MICAL2: variants seen among roughly 807,000 people sequenced by gnomAD.
MICAL2 encodes [F-actin]-monooxygenase MICAL2.
MICAL2 carries 77 observed loss-of-function variants against 127.3 expected under a neutral mutation model. The observed-to-expected ratio is 0.60, with a 90% confidence interval of 0.50 to 0.73. The LOEUF is 0.73. MICAL2 is among the 30% of genes least tolerant of loss of function. The probability of loss-of-function intolerance (pLI) is 0.00; values close to 1 mark genes in which losing one functional copy is unlikely to be tolerated. For missense variants in MICAL2, 1,351 were observed against 1,434.4 expected (o/e 0.94, Z 0.94); for synonymous variants, 570 against 551.1 (o/e 1.03, Z -0.48).
rs1235003301 is a variant in MICAL2, at chr11:12,162,350, G to A, written c.195G>A (p.Leu65=). The change falls in exon 3 of 28, where the codon CTG becomes CTA. Residue 65 remains leucine, a synonymous_variant. Transcript: ENST00000683283. Reference sequence around the variant, plus strand: ...TGACCACCTGGAAAGCCAAAGCCCTGTGGTACAAATTGGATAAGCGTGGTT... The same window carrying A: ...TGACCACCTGGAAAGCCAAAGCCCTATGGTACAAATTGGATAAGCGTGGTT... ...SKVTTWKAKA[L]WYKLDKRGSH... The A allele has an allele frequency of 3.1e-6, 5 of 1,614,290 alleles. No individual in the cohort carries two copies. The African/African-American group carries it at 5.3e-5, about 17-fold the overall frequency.
At chr11:12,125,519 G>T (rs932124154) in intron 1 of MICAL2, among the ~76,000 whole-genome samples, 18 of 152,124 alleles carry the variant, frequency 1.2e-4, no homozygotes, top group Admixed American at 5.9e-4. Flanking sequence ...CTCTCAAATT[G>T]CTGGGATTAC....
At chr11:12,221,182 T>C (rs1856776299) in intron 9 of MICAL2, among the ~76,000 whole-genome samples, 1 of 152,018 alleles carries the variant, frequency 6.6e-6, no homozygotes, top group African/African-American at 2.4e-5. Flanking sequence ...CCCAGCTCGG[T>C]TTCTCCCTCC....
intron 32 of MICAL2, among the ~76,000 whole-genome samples, chr11:12,336,848 A>G (rs536171291): frequency 4.5e-4 from 68 of 152,090 alleles, no homozygotes; most frequent in African/African-American, 1.5e-3. Flanking sequence ...TGCTGGATTC[A>G]GTTTGCCAGT....
At chr11:12,259,102 C>T (rs1862742548) in intron 25 of MICAL2, among the ~76,000 whole-genome samples, 1 of 152,204 alleles carries the variant, frequency 6.6e-6, no homozygotes, top group South Asian at 2.1e-4. Flanking sequence ...TAACTTAAAA[C>T]TTTTTTCTAA....
At chr11:12,225,961 T>A (rs1443997434) in intron 13 of MICAL2, among the ~76,000 whole-genome samples, 1 of 152,218 alleles carries the variant, frequency 6.6e-6, no homozygotes, top group Non-Finnish European at 1.5e-5. Context: ...AATAACGTCA[T>A]CATGGCCCAG....
intron 18 of MICAL2, 140 bp downstream of exon 18, chr11:12,241,302 T>C (rs769252038): frequency 9.2e-7 from 1 of 1,087,046 alleles, no homozygotes; most frequent in Non-Finnish European, 1.3e-6. Flanking sequence ...TCACCACACT[T>C]ATAGGTAAGA....
At chr11:12,183,633 G>T (rs1279125567) in intron 3 of MICAL2, among the ~76,000 whole-genome samples, 2 of 152,210 alleles carry the variant, frequency 1.3e-5, no homozygotes, top group African/African-American at 4.8e-5. Flanking sequence ...GGAGAAGTAG[G>T]TGTGCTGTGG....
intron 29 of MICAL2, among the ~76,000 whole-genome samples, chr11:12,310,912 G>GT (rs202068717): frequency 0.017 from 2,545 of 151,302 alleles, 78 homozygotes; most frequent in African/African-American, 0.059. Context: ...TATTCCTAGG[G>GT]TTTTTTTTAT....
At chr11:12,201,681 TG>T (rs1470956501) in intron 3 of MICAL2, among the ~76,000 whole-genome samples, 1 of 152,246 alleles carries the variant, frequency 6.6e-6, no homozygotes, top group East Asian at 1.9e-4. Context: ...TAGGTCATTG[TG>T]GGGAAGTATC....
At chr11:12,167,600 G>A (rs1288033342) in intron 3 of MICAL2, among the ~76,000 whole-genome samples, 1 of 152,186 alleles carries the variant, frequency 6.6e-6, no homozygotes, top group Non-Finnish European at 1.5e-5. Flanking sequence ...GGGCCACTTT[G>A]CCTGATACGG....
At chr11:12,242,799 A>T in intron 20 of MICAL2, 27 bp downstream of exon 20, 2 of 1,530,956 alleles carry the variant, frequency 1.3e-6, no homozygotes, top group Non-Finnish European at 1.8e-6. Flanking sequence ...CAGAGCCCCC[A>T]GGAACCTGAT....
intron 29 of MICAL2, among the ~76,000 whole-genome samples, chr11:12,302,341 G>A (rs569665810): frequency 6.6e-5 from 10 of 152,318 alleles, no homozygotes; most frequent in Admixed American, 3.9e-4. Flanking sequence ...CTATCAAACA[G>A]TTTTGCAAAG....
intron 21 of MICAL2, among the ~76,000 whole-genome samples, chr11:12,247,026 G>A (rs896638713): frequency 7.9e-5 from 12 of 152,178 alleles, no homozygotes; most frequent in African/African-American, 2.7e-4. Flanking sequence ...GTTGGGTGGG[G>A]GCTGGAGAGC....
At chr11:12,294,665 C>T (rs568160815), downstream of MICAL2, 7 of 1,614,194 alleles carry the variant, frequency 4.3e-6, no homozygotes, top group African/African-American at 6.7e-5. Flanking sequence ...GAGTTTCCTC[C>T]AAGAATCCAG....
At chr11:12,169,039 T>TA (rs1302184084) in intron 3 of MICAL2, among the ~76,000 whole-genome samples, 25 of 150,834 alleles carry the variant, frequency 1.7e-4, no homozygotes, top group South Asian at 4.2e-4. Context: ...CAAGCTAATT[T>TA]AAAAAAAAAG....
intron 3 of MICAL2, among the ~76,000 whole-genome samples, chr11:12,183,699 G>C (rs1168052425): frequency 6.6e-6 from 1 of 152,248 alleles, no homozygotes; most frequent in East Asian, 1.9e-4. Context: ...CACAGAGTGA[G>C]ACGGTGGTGT....
chr11:12,294,429 C>A (rs1371430823), downstream of MICAL2: 10 of 1,614,226 alleles, frequency 6.2e-6, no homozygotes, highest in Non-Finnish European at 7.6e-6. Context: ...AGAAACCAGT[C>A]CTCAGCCTTT....
At chr11:12,293,736 G>A, downstream of MICAL2, 7 of 1,614,010 alleles carry the variant, frequency 4.3e-6, no homozygotes, top group Non-Finnish European at 5.1e-6. Context: ...GGTGAAGATG[G>A]CCTCTCAGAC....
chr11:12,350,026 T>A, intron 33 of MICAL2: 2 of 982,248 alleles, frequency 2.0e-6, no homozygotes, highest in Non-Finnish European at 3.1e-6. Flanking sequence ...GTCTCGGGAC[T>A]TTTTCTCCTT....
Sources: gnomAD v4.1 joint callset for allele counts (sites outside exome capture counted in the v4.1 genomes callset) on GRCh38, gnomAD v4.1.1 for gene constraint, MANE v1.5 for transcripts, NCBI Gene and HGNC (gene_info 2026-07-23, HGNC 2026-07-21) for gene names.